Variants in DNAAF9 observed in about 807,000 individuals in gnomAD.
DNAAF9 encodes the protein shulin.
A neutral mutation model predicts 167.0 loss-of-function variants in DNAAF9; 90 were observed. The observed-to-expected ratio is 0.54, with a 90% confidence interval of 0.45 to 0.64. The LOEUF is 0.64. Ranked by LOEUF, DNAAF9 falls within the 30% of genes least tolerant of loss-of-function variation. The pLI is 0.00. For synonymous variants in DNAAF9, 491 were observed against 508.8 expected, an observed-to-expected ratio of 0.96 and a Z score of 0.47; for missense variants, 1,315 against 1,442.2, an observed-to-expected ratio of 0.91 and a Z score of 1.43.
intron 20 of DNAAF9, chr20:3,307,072 G>A: frequency 1.0e-6 from 1 of 985,330 alleles, no homozygotes; most frequent in Non-Finnish European, 1.2e-6. Flanking sequence ...AAATCCTGAA[G>A]CTTCCAGAAA....
intron 33 of DNAAF9, among the ~76,000 whole-genome samples, chr20:3,259,167 G>A (rs1395451682): frequency 2.0e-5 from 3 of 152,226 alleles, no homozygotes; most frequent in Non-Finnish European, 4.4e-5. Flanking sequence ...AGGAGGCCAT[G>A]ACTGGCTCAA....
At chr20:3,362,872 T>C (rs6051792) in intron 6 of DNAAF9, among the ~76,000 whole-genome samples, 31,284 of 152,144 alleles carry the variant, frequency 0.21, 3,523 homozygotes, top group African/African-American at 0.28. Flanking sequence ...TGCGGGTTAC[T>C]TGTCTCCTCT....
rs890280247 is a variant in DNAAF9 at position 3,332,203 on chromosome 20, T to C, written c.1063+77A>G. ...CTGAGCTTCCAAGCAAAGTAGTGAA[T>C]TGTATGTCAACTTCTAGTTCATGGG... On this transcript the variant is annotated intron_variant, in intron 11 of 36. Transcript: ENST00000252032. The C allele has an allele frequency of 2.8e-5, 22 of 792,970 alleles. No homozygotes were observed. The South Asian group carries it at 3.4e-4, about 12-fold the overall frequency. 49.1% of individuals were successfully genotyped at this position (792,970 alleles called of 1,614,324 possible). A position where few individuals can be genotyped will look rare whatever the true frequency, so the allele number is the denominator to read the frequency against.
Position 3,324,973 on chromosome 20 carries a change from A to G in DNAAF9, c.1189-5T>C. 1 of 1,557,498 alleles carries G rather than the reference A, an allele frequency of 6.4e-7. No individual in the cohort carries two copies. Among genetic ancestry groups the G allele is most frequent in the Non-Finnish European group, 8.9e-7 (1 of 1,128,270 alleles). ...TTGCTCTGCTACCTCCTTGGCCTGT[A>G]AAATAATAAGACAGCGACAATTAGC... On this transcript the variant is annotated splice_region_variant and splice_polypyrimidine_tract_variant and intron_variant, in intron 13 of 36. Transcript: ENST00000252032.
intron 23 of DNAAF9, chr20:3,295,364 G>C (rs1319980939): frequency 5.4e-6 from 1 of 186,878 alleles, no homozygotes; most frequent in Non-Finnish European, 1.1e-5. Context: ...ATTTTTAGAA[G>C]AGATGAGGTT....
chr20:3,402,997 C>G (rs1287129153), intron 1 of DNAAF9, among the ~76,000 whole-genome samples: 1 of 152,098 alleles, frequency 6.6e-6, no homozygotes, highest in East Asian at 1.9e-4. Flanking sequence ...TTTATCATTT[C>G]TTCATGTCTT....
chr20:3,299,339 T>C (rs917344135), intron 21 of DNAAF9, among the ~76,000 whole-genome samples: 1 of 152,016 alleles, frequency 6.6e-6, no homozygotes, highest in African/African-American at 2.4e-5. Flanking sequence ...AGGGTCCCAC[T>C]CAGGGGACCT....
chr20:3,255,303 G>C lies in DNAAF9; in HGVS notation c.3262-19C>G. The C allele has an allele frequency of 6.6e-7, 1 of 1,516,518 alleles. No homozygotes were observed. Among genetic ancestry groups the C allele is most frequent in the Non-Finnish European group, 9.0e-7 (1 of 1,115,524 alleles). The allele number at this position is 1,516,518 out of a possible 1,614,324, so 93.9% of individuals were successfully genotyped here. A position where few individuals can be genotyped will look rare whatever the true frequency, so the allele number is the denominator to read the frequency against. On this transcript the variant is annotated intron_variant, in intron 34 of 36. Transcript: ENST00000252032. The stretch of plus-strand genomic sequence containing the variant: ...GAGGCTTCTGCAGAGATGGGGAGTG[G>C]AGGGTCAGGTCCCAGCAGAACTCAT...
At chr20:3,253,590 C>T in intron 36 of DNAAF9, 136 bp downstream of exon 36, 1 of 654,482 alleles carries the variant, frequency 1.5e-6, no homozygotes, top group Admixed American at 2.5e-5. Context: ...GCATTCCTGA[C>T]CCATCAGTGG....
intron 36 of DNAAF9, 34 bp downstream of exon 36, chr20:3,253,692 G>T: frequency 7.6e-7 from 1 of 1,307,618 alleles, no homozygotes; most frequent in Non-Finnish European, 1.1e-6. Flanking sequence ...CACTGCCCGG[G>T]TTCCACACAG....
intron 7 of DNAAF9, among the ~76,000 whole-genome samples, chr20:3,354,160 A>G (rs77536899): frequency 0.015 from 2,301 of 152,346 alleles, 28 homozygotes; most frequent in South Asian, 0.047. Flanking sequence ...CAAGACTAAC[A>G]AGCAGCAAAA....
chr20:3,304,422 G>A lies in DNAAF9; in HGVS notation c.1782+18C>T. 8.9e-7 allele frequency: 1 copy of A among 1,122,078 alleles called. No individual in the cohort carries two copies. 69.5% of individuals were successfully genotyped at this position (1,122,078 alleles called of 1,614,324 possible). A position where few individuals can be genotyped will look rare whatever the true frequency, so the allele number is the denominator to read the frequency against. ...CAACTTTCCGACCAAAAAAGCCACT[G>A]ACTAGTAAAACACCTACCCCATCAT... On this transcript the variant is annotated intron_variant, in intron 21 of 36. Transcript: ENST00000252032.
At chr20:3,299,186 T>C (rs1350348843) in intron 21 of DNAAF9, among the ~76,000 whole-genome samples, 3 of 151,416 alleles carry the variant, frequency 2.0e-5, no homozygotes, top group African/African-American at 7.3e-5. Context: ...GGATTGCATA[T>C]TGTTTTAGCT....
intron 1 of DNAAF9, among the ~76,000 whole-genome samples, chr20:3,406,247 A>G (rs1432768298): frequency 1.3e-5 from 2 of 152,220 alleles, no homozygotes; most frequent in African/African-American, 4.8e-5. Context: ...CAAACAAACA[A>G]CCCCAAAAAT....
At chr20:3,270,834 A>T (rs1281416928) in intron 29 of DNAAF9, among the ~76,000 whole-genome samples, 1 of 141,412 alleles carries the variant, frequency 7.1e-6, no homozygotes, top group Non-Finnish European at 1.5e-5. Flanking sequence ...TTTTTTTAAG[A>T]CGGTGTCTCA....
intron 7 of DNAAF9, among the ~76,000 whole-genome samples, chr20:3,351,134 C>T (rs1044245544): frequency 6.6e-6 from 1 of 152,120 alleles, no homozygotes; most frequent in African/African-American, 2.4e-5. Context: ...ATTCAATTAC[C>T]AATGATCAGG....
chr20:3,297,289 G>GGGAT (rs765634177), intron 22 of DNAAF9, among the ~76,000 whole-genome samples: 16 of 152,298 alleles, frequency 1.1e-4, no homozygotes, highest in Non-Finnish European at 2.2e-4. Flanking sequence ...AAGAAGCAGA[G>GGGAT]GGATGGCTGA....
intron 21 of DNAAF9, among the ~76,000 whole-genome samples, chr20:3,298,476 C>T (rs1336954766): frequency 6.6e-6 from 1 of 152,104 alleles, no homozygotes; most frequent in Non-Finnish European, 1.5e-5. Flanking sequence ...TGCCACTATG[C>T]CTGGCTAATT....
At chr20:3,285,132 G>C (rs2068828438) in intron 27 of DNAAF9, among the ~76,000 whole-genome samples, 2 of 152,166 alleles carry the variant, frequency 1.3e-5, no homozygotes, top group Admixed American at 6.5e-5. Flanking sequence ...AGCTCCACTT[G>C]ATGTCAAAGT....
Sources: gnomAD v4.1 joint callset for allele counts (sites outside exome capture counted in the v4.1 genomes callset) on GRCh38, gnomAD v4.1.1 for gene constraint, MANE v1.5 for transcripts, NCBI Gene and HGNC (gene_info 2026-07-23, HGNC 2026-07-21) for gene names.